The following EPHA7 variants were observed in gnomAD, a reference collection of about 807,000 sequenced individuals.
EPHA7 encodes the protein EPH receptor A7.
A neutral mutation model predicts 112.6 loss-of-function variants in EPHA7; 25 were observed. The ratio of observed to expected loss-of-function variants is 0.22; its 90% CI spans 0.16 to 0.31. The LOEUF (loss-of-function observed/expected upper bound fraction) is 0.31. EPHA7 is among the 10% of genes least tolerant of loss of function. The pLI is 1.00. For missense variants in EPHA7, 962 were observed against 1,212.6 expected (o/e 0.79, Z 3.07); for synonymous variants, 437 against 406.5 (o/e 1.07, Z -0.90).
chr6:93,282,747 G>A (rs114114915), intron 5 of EPHA7, among the ~76,000 whole-genome samples: 8 of 152,110 alleles, frequency 5.3e-5, no homozygotes, highest in East Asian at 3.9e-4. Flanking sequence ...TCAGAGCCGC[G>A]GGACCTGCCA....
chr6:93,298,477 T>C (rs1245236320), intron 5 of EPHA7, among the ~76,000 whole-genome samples: 1 of 152,054 alleles, frequency 6.6e-6, no homozygotes, highest in Non-Finnish European at 1.5e-5. Flanking sequence ...CAACAAATCA[T>C]GTTTATATTA....
chr6:93,410,860 C>T lies in EPHA7; in HGVS notation c.473G>A (p.Gly158Asp), dbSNP rs1286516366. 6.2e-7 allele frequency: 1 copy of T among 1,613,912 alleles called. No homozygotes were observed. The highest frequency in any genetic ancestry group is 8.5e-7 in the Non-Finnish European group (1 of 1,179,968). Residue 158 changes from glycine to aspartate, a missense_variant, in exon 3 of 17, where the codon GGT becomes GAT. Transcript: ENST00000369303. This position sits in a 1 kb window ranked among gnomAD's most constrained non-coding sequence, Gnocchi z 4.0. ...TIAADESFTQ[G>D]DLGERKMKLN... ...CTTCATCTTTCTTTCACCAAGGTCA[C>T]CTTGGGTAAAACTTTCATCTGCAGC... is the stretch of plus-strand genomic sequence containing the variant.
At chr6:93,248,861 T>C (rs936951184) in intron 14 of EPHA7, among the ~76,000 whole-genome samples, 1 of 152,140 alleles carries the variant, frequency 6.6e-6, no homozygotes, top group Non-Finnish European at 1.5e-5. Flanking sequence ...TTTCTGATGA[T>C]TTTCTACTTC....
chr6:93,404,114 C>T (rs761856435), intron 3 of EPHA7, among the ~76,000 whole-genome samples: 14 of 151,880 alleles, frequency 9.2e-5, no homozygotes, highest in Non-Finnish European at 1.9e-4. Context: ...AATTTACATG[C>T]AAGTTTAAAA....
intron 5 of EPHA7, among the ~76,000 whole-genome samples, chr6:93,274,327 T>C (rs1562060801): frequency 6.6e-6 from 1 of 151,916 alleles, no homozygotes; most frequent in South Asian, 2.1e-4. Context: ...ATTTGGGTTA[T>C]AAATCTACCC....
At chr6:93,391,685 A>AATACAAAT (rs1248882988) in intron 3 of EPHA7, among the ~76,000 whole-genome samples, 1 of 151,928 alleles carries the variant, frequency 6.6e-6, no homozygotes, top group Non-Finnish European at 1.5e-5. Context: ...TATATTTATG[A>AATACAAAT]ATACAAATGA....
chr6:93,373,478 T>A (rs1776903172), intron 3 of EPHA7, among the ~76,000 whole-genome samples: 1 of 152,112 alleles, frequency 6.6e-6, no homozygotes. Flanking sequence ...ACTGCATTTC[T>A]TATATTCAAT....
chr6:93,384,587 G>A (rs1034091657), intron 3 of EPHA7, among the ~76,000 whole-genome samples: 2 of 152,092 alleles, frequency 1.3e-5, no homozygotes, highest in Non-Finnish European at 2.9e-5. Flanking sequence ...TAAGAGCTGC[G>A]ATTTCATATG....
chr6:93,331,450 T>TAC, intron 5 of EPHA7, among the ~76,000 whole-genome samples: 1 of 133,654 alleles, frequency 7.5e-6, no homozygotes, highest in South Asian at 2.3e-4. Flanking sequence ...AGCAGAAAAA[T>TAC]ACAAAAAAAA....
At chr6:93,363,389 A>C (rs1433012120) in intron 3 of EPHA7, among the ~76,000 whole-genome samples, 2 of 152,188 alleles carry the variant, frequency 1.3e-5, no homozygotes, top group Non-Finnish European at 2.9e-5. Flanking sequence ...AAAATATGCA[A>C]GGAATCTGAA....
chr6:93,314,858 CTTTT>C (rs777231219), intron 5 of EPHA7, among the ~76,000 whole-genome samples: 2 of 101,378 alleles, frequency 2.0e-5, no homozygotes, highest in African/African-American at 7.4e-5. Context: ...ATATAATTTT[CTTTT>C]TTTTTTTTTT....
chr6:93,262,419 G>T (rs898465273), intron 9 of EPHA7, among the ~76,000 whole-genome samples: 1 of 148,402 alleles, frequency 6.7e-6, no homozygotes, highest in African/African-American at 2.5e-5. Flanking sequence ...ATATTCAGGG[G>T]TATATTAAGT....
intron 7 of EPHA7, among the ~76,000 whole-genome samples, chr6:93,266,029 A>C (rs1487119970): frequency 1.3e-5 from 2 of 151,662 alleles, no homozygotes; most frequent in South Asian, 2.1e-4. Flanking sequence ...AAGATTATAC[A>C]CATTCTCTAA....
chr6:93,404,980 A>G (rs906548026), intron 3 of EPHA7, among the ~76,000 whole-genome samples: 3 of 151,840 alleles, frequency 2.0e-5, no homozygotes, highest in Admixed American at 1.3e-4. Context: ...AAAAACCCAT[A>G]TTTTGGAGAT....
In EPHA7 at chr6:93,410,928, G is replaced by A. The variant is rs749038632; in HGVS notation, c.405C>T (p.Gly135=). The A allele has an allele frequency of 1.1e-5, 18 of 1,613,846 alleles. No individual in the cohort carries two copies. Among genetic ancestry groups the A allele is most frequent in the Non-Finnish European group, 1.5e-5 (18 of 1,179,926 alleles). The change falls in exon 3 of 17, where the codon GGC becomes GGT. Residue 135 remains glycine (G), a synonymous_variant. Coordinates refer to ENST00000369303, the MANE Select transcript of EPHA7 (RefSeq NM_004440.4). The surrounding 1 kb of genome is among the most constrained non-coding windows in gnomAD (Gnocchi z 4.0). ...LYYYETDYDT[G]RNIRENLYVK... is the part of the protein sequence containing the mutation. ...CATAGAGGTTTTCTCTTATATTCCT[G>A]CCAGTGTCATAGTCTGTTTCATAAT...
chr6:93,279,437 G>T (rs1771624543), intron 5 of EPHA7, among the ~76,000 whole-genome samples: 1 of 151,960 alleles, frequency 6.6e-6, no homozygotes, highest in East Asian at 1.9e-4. Context: ...CAATGAAACT[G>T]CTGGCAAACT....
chr6:93,395,610 CACAT>C (rs980422282), intron 3 of EPHA7, among the ~76,000 whole-genome samples: 5 of 150,734 alleles, frequency 3.3e-5, no homozygotes, highest in African/African-American at 1.2e-4. Flanking sequence ...CACACACACA[CACAT>C]CTGTCCGTCA....
Position 93,397,647 on chromosome 6 carries a change from T to C in EPHA7, c.832+12854A>G, listed in dbSNP as rs192874835. On this transcript the variant is annotated intron_variant, in intron 3 of 16. Coordinates refer to ENST00000369303, the MANE Select transcript of EPHA7 (RefSeq NM_004440.4). ...TCCATCAATCGATGTCAACATTCCA[T>C]TGGATTCCAGTCTGACTGGCAAGCG... 2.5e-3 allele frequency among the ~76,000 whole-genome samples: 381 copies of C among 152,072 alleles called. 2 individuals carry two copies. Among genetic ancestry groups the C allele is most frequent in the African/African-American group, 7.8e-3 (324 of 41,542 alleles).
At chr6:93,321,975 T>C (rs536331943) in intron 5 of EPHA7, among the ~76,000 whole-genome samples, 5 of 151,956 alleles carry the variant, frequency 3.3e-5, no homozygotes, top group Non-Finnish European at 7.4e-5. Flanking sequence ...AATTTCTTCA[T>C]ATTTATAATG....
Sources: allele counts gnomAD v4.1 joint callset (sites outside exome capture counted in the v4.1 genomes callset), GRCh38; gene constraint gnomAD v4.1.1; non-coding constraint Gnocchi (gnomAD v3.1); transcripts MANE v1.5; gene names NCBI Gene and HGNC (gene_info 2026-07-23, HGNC 2026-07-21).